The following VWA3B variants were observed in gnomAD, a reference collection of about 807,000 sequenced individuals.
VWA3B encodes the protein von Willebrand factor A domain containing 3B.
VWA3B carries 138 observed loss-of-function variants against 158.3 expected under a neutral mutation model. The ratio of observed to expected loss-of-function variants is 0.87; its 90% CI spans 0.76 to 1.00. The LOEUF is 1.00. VWA3B is among the 50% of genes least tolerant of loss of function. The pLI, the probability that VWA3B is intolerant of heterozygous loss-of-function variation, is 0.00. For missense variants in VWA3B, 1,555 were observed against 1,565.1 expected (o/e 0.99, Z 0.11); for synonymous variants, 596 against 587.3 (o/e 1.01, Z -0.21).
chr2:98,227,775 A>G (rs932595958), intron 14 of VWA3B, among the ~76,000 whole-genome samples: 2 of 152,176 alleles, frequency 1.3e-5, no homozygotes, highest in African/African-American at 2.4e-5. Context: ...CAGATTTACA[A>G]TGGGGCACAA....
intron 9 of VWA3B, among the ~76,000 whole-genome samples, chr2:98,184,631 C>T (rs535232301): frequency 5.9e-5 from 9 of 152,354 alleles, no homozygotes; most frequent in South Asian, 4.1e-4. Context: ...CCCCCCACCC[C>T]GCCCTCTGGG....
intron 2 of VWA3B, among the ~76,000 whole-genome samples, chr2:98,103,283 C>T (rs1297633329): frequency 6.6e-6 from 1 of 152,110 alleles, no homozygotes; most frequent in East Asian, 1.9e-4. Flanking sequence ...TTCTATTTCA[C>T]TGGTATCTGA....
intron 8 of VWA3B, 88 bp downstream of exon 8, chr2:98,163,064 G>A: frequency 6.4e-7 from 1 of 1,566,774 alleles, no homozygotes; most frequent in Non-Finnish European, 8.6e-7. Context: ...CCTGACCAGA[G>A]AAGCTCCAGA....
At chr2:98,250,761 T>G (rs1298932868) in intron 20 of VWA3B, among the ~76,000 whole-genome samples, 1 of 151,888 alleles carries the variant, frequency 6.6e-6, no homozygotes, top group Non-Finnish European at 1.5e-5. Context: ...ATTAGAAGAG[T>G]ATAGTTGGAG....
At chr2:98,230,330 ATT>A (rs1303140807) in intron 16 of VWA3B, 123 bp downstream of exon 16, 2 of 1,001,382 alleles carry the variant, frequency 2.0e-6, no homozygotes, top group Non-Finnish European at 2.7e-6. Flanking sequence ...TTAAATTAAA[ATT>A]TTTATTAAAA....
chr2:98,283,152 A>C (rs1688981050), intron 22 of VWA3B, among the ~76,000 whole-genome samples: 1 of 152,276 alleles, frequency 6.6e-6, no homozygotes, highest in South Asian at 2.1e-4. Flanking sequence ...AGGGCTAGTT[A>C]AATAAATTAC....
intron 9 of VWA3B, among the ~76,000 whole-genome samples, 171 bp from the exon 10 acceptor site, chr2:98,187,804 C>T (rs1413858751): frequency 6.6e-6 from 1 of 151,998 alleles, no homozygotes; most frequent in Non-Finnish European, 1.5e-5. Flanking sequence ...TAGTGCAGGG[C>T]TCCATAGGAA....
chr2:98,119,326 C>A (rs1201133651), intron 3 of VWA3B, among the ~76,000 whole-genome samples, 187 bp from the exon 4 acceptor site: 2 of 151,622 alleles, frequency 1.3e-5, no homozygotes, highest in East Asian at 3.9e-4. Context: ...ATATTATCAT[C>A]TTTTCTTCTG....
chr2:98,213,020 G>T (rs1236615730), intron 13 of VWA3B, among the ~76,000 whole-genome samples: 1 of 152,158 alleles, frequency 6.6e-6, no homozygotes, highest in Non-Finnish European at 1.5e-5. Context: ...ATGTCTAGGG[G>T]CACAGAGTGA....
chr2:98,104,907 C>G (rs1683330791), intron 2 of VWA3B, among the ~76,000 whole-genome samples: 1 of 152,096 alleles, frequency 6.6e-6, no homozygotes, highest in Non-Finnish European at 1.5e-5. Context: ...ACACTCATAC[C>G]TCCCCTTACT....
chr2:98,097,136 A>G (rs79389392), intron 2 of VWA3B, among the ~76,000 whole-genome samples: 1 of 152,110 alleles, frequency 6.6e-6, no homozygotes. Flanking sequence ...TTGGGGTTCA[A>G]GTGGCTTTTG....
At chr2:98,256,877 A>G (rs1164037430) in intron 21 of VWA3B, among the ~76,000 whole-genome samples, 1 of 152,208 alleles carries the variant, frequency 6.6e-6, no homozygotes, top group Non-Finnish European at 1.5e-5. Flanking sequence ...ACTTGCACAC[A>G]TGTAATGATC....
At chr2:98,164,244 T>A (rs984961271) in intron 8 of VWA3B, among the ~76,000 whole-genome samples, 3 of 151,832 alleles carry the variant, frequency 2.0e-5, no homozygotes, top group African/African-American at 7.3e-5. Flanking sequence ...TTGGAAGGAG[T>A]AGTGTGAATG....
At chr2:98,217,132 T>G (rs1684099061) in intron 13 of VWA3B, among the ~76,000 whole-genome samples, 1 of 152,164 alleles carries the variant, frequency 6.6e-6, no homozygotes. Flanking sequence ...AAACAGCCAC[T>G]CCTGTCCTCC....
intron 8 of VWA3B, among the ~76,000 whole-genome samples, chr2:98,167,586 G>A (rs778884109): frequency 6.6e-6 from 1 of 152,180 alleles, no homozygotes; most frequent in African/African-American, 2.4e-5. Context: ...CTGAGGGTCT[G>A]GAGGGACCAA....
chr2:98,290,771 T>C (rs1689445603), intron 23 of VWA3B, 149 bp downstream of exon 23: 1 of 602,606 alleles, frequency 1.7e-6, no homozygotes, highest in Non-Finnish European at 2.9e-6. Context: ...AAGTGGAATA[T>C]CTCTGGCCAG....
chr2:98,241,255 A>G (rs1254369309), intron 19 of VWA3B, among the ~76,000 whole-genome samples: 1 of 152,126 alleles, frequency 6.6e-6, no homozygotes, highest in Non-Finnish European at 1.5e-5. Flanking sequence ...AATGTTTGTC[A>G]TTCCAGAGAA....
intron 8 of VWA3B, among the ~76,000 whole-genome samples, chr2:98,176,170 T>A (rs1461386110): frequency 6.6e-6 from 1 of 152,118 alleles, no homozygotes; most frequent in African/African-American, 2.4e-5. Flanking sequence ...GAGACCACAT[T>A]TCTTTTCCTG....
At chr2:98,308,073 T>G (rs900295083) in intron 26 of VWA3B, among the ~76,000 whole-genome samples, 1 of 152,212 alleles carries the variant, frequency 6.6e-6, no homozygotes, top group Non-Finnish European at 1.5e-5. Context: ...ATTTTCAACT[T>G]AAAATTTGAC....
Sources: allele counts gnomAD v4.1 joint callset (sites outside exome capture counted in the v4.1 genomes callset), GRCh38; gene constraint gnomAD v4.1.1; transcripts MANE v1.5; gene names NCBI Gene and HGNC (gene_info 2026-07-23, HGNC 2026-07-21).